SLC35F4: variants seen among roughly 807,000 people sequenced by gnomAD.
The protein encoded by SLC35F4 is chromosome 14 open reading frame 36.
In SLC35F4, 24 loss-of-function variants were observed where a neutral mutation model predicts 44.2. The observed-to-expected ratio is 0.54, with a 90% CI of 0.39 to 0.76. The LOEUF is 0.76. Ranked by LOEUF, SLC35F4 falls within the 30% of genes least tolerant of loss-of-function variation. The pLI, the probability that SLC35F4 is intolerant of heterozygous loss-of-function variation, is 0.00. For missense variants in SLC35F4, 562 were observed against 586.1 expected (o/e 0.96, Z 0.42); for synonymous variants, 238 against 223.6 (o/e 1.06, Z -0.57).
intron 1 of SLC35F4, among the ~76,000 whole-genome samples, chr14:57,668,081 C>A (rs1208116238): frequency 1.3e-5 from 2 of 149,960 alleles, no homozygotes; most frequent in Non-Finnish European, 3.0e-5. Flanking sequence ...TCTCTGATGG[C>A]CAGTGATGAT....
intron 1 of SLC35F4, among the ~76,000 whole-genome samples, chr14:57,670,965 C>T (rs1397643471): frequency 1.5e-5 from 2 of 136,312 alleles, no homozygotes; most frequent in Non-Finnish European, 3.0e-5. Flanking sequence ...AGTGCAGTGG[C>T]ATGGTCTCAG....
chr14:57,822,117 G>A (rs1263254277), intron 1 of SLC35F4, among the ~76,000 whole-genome samples: 1 of 152,228 alleles, frequency 6.6e-6, no homozygotes, highest in Admixed American at 6.5e-5. Flanking sequence ...TGGCTATGCT[G>A]ATGCTTCTCT....
At chr14:57,958,807 G>C (rs952593276) in intron 1 of SLC35F4, among the ~76,000 whole-genome samples, 1 of 152,094 alleles carries the variant, frequency 6.6e-6, no homozygotes, top group Non-Finnish European at 1.5e-5. Context: ...CTCAATGTTC[G>C]CATGCCACTT....
chr14:57,703,488 C>A (rs146901999), intron 1 of SLC35F4, among the ~76,000 whole-genome samples: 1 of 152,166 alleles, frequency 6.6e-6, no homozygotes, highest in Non-Finnish European at 1.5e-5. Context: ...CCATCACCTA[C>A]GCTGTCCAAA....
At chr14:57,689,899 T>TA (rs926905673) in intron 1 of SLC35F4, among the ~76,000 whole-genome samples, 12 of 151,316 alleles carry the variant, frequency 7.9e-5, no homozygotes, top group Non-Finnish European at 1.3e-4. Flanking sequence ...AAAATAAAAA[T>TA]AAAAAAAAAT....
chr14:57,604,445 G>T (rs1407039372), intron 1 of SLC35F4, among the ~76,000 whole-genome samples: 6 of 152,110 alleles, frequency 3.9e-5, no homozygotes, highest in Admixed American at 3.3e-4. Flanking sequence ...ACTGCTGAAA[G>T]AAATCATAGA....
At chr14:57,794,518 G>C (rs2078007699) in intron 1 of SLC35F4, among the ~76,000 whole-genome samples, 1 of 152,118 alleles carries the variant, frequency 6.6e-6, no homozygotes, top group South Asian at 2.1e-4. Flanking sequence ...CAGCCAGAAT[G>C]ACCATTATTA....
chr14:57,804,945 T>TA (rs557079537), intron 1 of SLC35F4, among the ~76,000 whole-genome samples: 1 of 151,776 alleles, frequency 6.6e-6, no homozygotes, highest in African/African-American at 2.4e-5. Context: ...AGAACTCCAT[T>TA]AAAAAGTAGG....
intron 1 of SLC35F4, among the ~76,000 whole-genome samples, chr14:57,724,356 T>C (rs1051215068): frequency 3.9e-5 from 6 of 152,154 alleles, no homozygotes; most frequent in Non-Finnish European, 8.8e-5. Context: ...CCTGCCATCT[T>C]CTGCAGATAA....
At chr14:57,627,101 A>G (rs1013291242) in intron 1 of SLC35F4, among the ~76,000 whole-genome samples, 65 of 152,260 alleles carry the variant, frequency 4.3e-4, no homozygotes, top group Non-Finnish European at 9.3e-4. Flanking sequence ...TTTTGTATAT[A>G]AAGTTCACAT....
chr14:57,772,293 A>G (rs1039888698), intron 1 of SLC35F4, among the ~76,000 whole-genome samples: 8 of 152,256 alleles, frequency 5.3e-5, no homozygotes, highest in Admixed American at 3.3e-4. Flanking sequence ...AAATTCATAT[A>G]GTGAAACCAG....
intron 1 of SLC35F4, among the ~76,000 whole-genome samples, chr14:57,646,549 T>C (rs546547625): frequency 6.6e-6 from 1 of 152,314 alleles, no homozygotes; most frequent in East Asian, 1.9e-4. Flanking sequence ...TCTATCTATT[T>C]TGTTGATCTT....
chr14:57,816,502 C>T (rs1378200611), intron 1 of SLC35F4, among the ~76,000 whole-genome samples: 6 of 152,116 alleles, frequency 3.9e-5, no homozygotes, highest in Non-Finnish European at 8.8e-5. Flanking sequence ...TTTACTATCT[C>T]AGAACCAGAA....
chr14:57,690,990 A>T (rs2075215412), intron 1 of SLC35F4, among the ~76,000 whole-genome samples: 1 of 152,152 alleles, frequency 6.6e-6, no homozygotes, highest in Non-Finnish European at 1.5e-5. Context: ...AGGGGTCCCC[A>T]ACCCTGGGTA....
At chr14:57,575,727 A>T (rs142993664) in intron 4 of SLC35F4, among the ~76,000 whole-genome samples, 1 of 152,162 alleles carries the variant, frequency 6.6e-6, no homozygotes, top group Non-Finnish European at 1.5e-5. Flanking sequence ...TGAGCCAGCT[A>T]TCTTCCTCTG....
chr14:57,656,659 T>A (rs1400753853), intron 1 of SLC35F4, among the ~76,000 whole-genome samples: 1 of 152,006 alleles, frequency 6.6e-6, no homozygotes, highest in Admixed American at 6.6e-5. Context: ...CTCTGTAAAG[T>A]GGGGATAACA....
chr14:57,589,521 C>T lies in SLC35F4; in HGVS notation c.290-8G>A, dbSNP rs370517170. 4 of 1,592,648 alleles carry T rather than the reference C, an allele frequency of 2.5e-6. No individual in the cohort carries two copies. Among genetic ancestry groups the T allele is most frequent in the Non-Finnish European group, 2.6e-6 (3 of 1,171,268 alleles). ...TCTGTGTCCCATCGTCTGCTGGAAA[C>T]AGGAAAGGAATACAAATGTGAGGAA... On this transcript the variant is annotated splice_region_variant and splice_polypyrimidine_tract_variant and intron_variant, in intron 2 of 7. Transcript: ENST00000556826.
At chr14:57,981,910 T>TA (rs1252226462) in intron 1 of SLC35F4, 1 of 152,192 alleles carries the variant, frequency 6.6e-6, no homozygotes, top group African/African-American at 2.4e-5. Context: ...TAGTATTACT[T>TA]ACAAAAGTTT....
At chr14:57,615,200 A>G (rs2071739498) in intron 1 of SLC35F4, among the ~76,000 whole-genome samples, 1 of 152,208 alleles carries the variant, frequency 6.6e-6, no homozygotes, top group Non-Finnish European at 1.5e-5. Flanking sequence ...AAGCATCGCC[A>G]TGACAATTGA....
Sources: gnomAD v4.1 joint callset for allele counts (sites outside exome capture counted in the v4.1 genomes callset) on GRCh38, gnomAD v4.1.1 for gene constraint, MANE v1.5 for transcripts, NCBI Gene and HGNC (gene_info 2026-07-23, HGNC 2026-07-21) for gene names.